AUTS2: variants seen among roughly 807,000 people sequenced by gnomAD.
AUTS2 encodes activator of transcription and developmental regulator AUTS2, also known as autism susceptibility gene 2 protein.
A neutral mutation model predicts 112.4 loss-of-function variants in AUTS2; 17 were observed. The ratio of observed to expected loss-of-function variants is 0.15; its 90% confidence interval spans 0.10 to 0.23. The LOEUF (loss-of-function observed/expected upper bound fraction) is 0.23, where lower values mean the gene tolerates loss of function less well. Among genes scored for constraint, AUTS2 ranks in the 10% least tolerant of loss-of-function variants. The pLI, the probability that AUTS2 is intolerant of heterozygous loss-of-function variation, is 1.00. For missense variants in AUTS2, 1,510 were observed against 1,701.6 expected, an observed-to-expected ratio of 0.89 and a Z score of 1.98; for synonymous variants, 751 against 702.7, an observed-to-expected ratio of 1.07 and a Z score of -1.09.
At chr7:70,120,888 C>T (rs1805646575) in intron 3 of AUTS2, among the ~76,000 whole-genome samples, 1 of 152,118 alleles carries the variant, frequency 6.6e-6, no homozygotes, top group Non-Finnish European at 1.5e-5. Flanking sequence ...GCCTTAATAA[C>T]CAACACAGTC....
At chr7:70,779,828 G>C (rs760486641) in intron 14 of AUTS2, among the ~76,000 whole-genome samples, 4 of 152,074 alleles carry the variant, frequency 2.6e-5, no homozygotes, top group Non-Finnish European at 2.9e-5. Context: ...TTGAGCCCAG[G>C]AGTTCAAGAC....
intron 4 of AUTS2, chr7:70,290,774 AT>A (rs1788672987): frequency 3.1e-6 from 2 of 636,798 alleles, no homozygotes; most frequent in Non-Finnish European, 4.3e-6. Flanking sequence ...AATAAATTAG[AT>A]TTTTTAAAAG....
intron 6 of AUTS2, among the ~76,000 whole-genome samples, chr7:70,754,360 A>G (rs1789055175): frequency 1.3e-5 from 2 of 152,072 alleles, no homozygotes; most frequent in Non-Finnish European, 2.9e-5. Flanking sequence ...ATGGTGGCAC[A>G]TGCCTCAGCC....
chr7:69,930,313 T>A (rs1028849320), intron 2 of AUTS2, among the ~76,000 whole-genome samples: 3 of 152,148 alleles, frequency 2.0e-5, no homozygotes, highest in African/African-American at 7.2e-5. Context: ...TCTCTCTCTG[T>A]GTAATTCTCT....
At chr7:70,027,909 T>C (rs1800594317) in intron 2 of AUTS2, among the ~76,000 whole-genome samples, 1 of 152,108 alleles carries the variant, frequency 6.6e-6, no homozygotes, top group Admixed American at 6.5e-5. Flanking sequence ...TTTTGAACAG[T>C]AAGAAACTAT....
intron 1 of AUTS2, among the ~76,000 whole-genome samples, chr7:69,641,784 C>T (rs983202150): frequency 6.6e-6 from 1 of 152,112 alleles, no homozygotes; most frequent in Non-Finnish European, 1.5e-5. Context: ...TTTACAGAAC[C>T]CTTTTCTTAT....
chr7:70,605,265 G>A (rs1237050319), intron 5 of AUTS2, among the ~76,000 whole-genome samples: 4 of 152,260 alleles, frequency 2.6e-5, no homozygotes, highest in Admixed American at 2.0e-4. Context: ...CTGAGAAGTC[G>A]TTGCCTGTTC....
intron 4 of AUTS2, among the ~76,000 whole-genome samples, chr7:70,171,688 T>C (rs1808696747): frequency 6.6e-6 from 1 of 152,172 alleles, no homozygotes; most frequent in Non-Finnish European, 1.5e-5. Context: ...CAGAAAGGTA[T>C]GAGTTCATGA....
chr7:69,686,660 A>T (rs1041034377), intron 1 of AUTS2, among the ~76,000 whole-genome samples: 1 of 152,216 alleles, frequency 6.6e-6, no homozygotes, highest in African/African-American at 2.4e-5. Flanking sequence ...ATGCTGTATA[A>T]AGGCTTCTAA....
chr7:70,317,299 C>T (rs1403691564), intron 4 of AUTS2, among the ~76,000 whole-genome samples: 1 of 152,040 alleles, frequency 6.6e-6, no homozygotes, highest in African/African-American at 2.4e-5. Flanking sequence ...CCTTTTGATG[C>T]AGATTGTGAA....
At chr7:69,894,274 TTTTTA>T (rs1419103165) in intron 1 of AUTS2, among the ~76,000 whole-genome samples, 16 of 120,074 alleles carry the variant, frequency 1.3e-4, no homozygotes, top group African/African-American at 4.6e-4. Context: ...TTTTTTTTTT[TTTTTA>T]ACAGATTTCT....
At chr7:70,779,732 G>C (rs936987821) in intron 14 of AUTS2, among the ~76,000 whole-genome samples, 1 of 152,098 alleles carries the variant, frequency 6.6e-6, no homozygotes, top group African/African-American at 2.4e-5. Context: ...AGATGAGTCC[G>C]GGAGATCAGA....
At chr7:70,722,569 A>G (rs181549781) in intron 6 of AUTS2, among the ~76,000 whole-genome samples, 56 of 152,324 alleles carry the variant, frequency 3.7e-4, no homozygotes, top group African/African-American at 1.3e-3. Context: ...TGCTTAAGGC[A>G]TAATGTTTTC....
intron 1 of AUTS2, among the ~76,000 whole-genome samples, chr7:69,670,605 G>A (rs905120021): frequency 3.5e-5 from 5 of 142,836 alleles, no homozygotes; most frequent in Admixed American, 1.4e-4. Flanking sequence ...GCTGGGTACC[G>A]TGGCACGTGC....
chr7:69,668,832 T>A (rs1330815682), intron 1 of AUTS2, among the ~76,000 whole-genome samples: 1 of 152,206 alleles, frequency 6.6e-6, no homozygotes, highest in East Asian at 1.9e-4. Context: ...TGAATTACTG[T>A]GTTTTTTTCC....
intron 4 of AUTS2, among the ~76,000 whole-genome samples, chr7:70,217,710 T>C (rs905792861): frequency 4.6e-5 from 7 of 152,148 alleles, no homozygotes; most frequent in Non-Finnish European, 7.3e-5. Flanking sequence ...GATGTTTCAG[T>C]TTTCAACTCA....
At chr7:70,348,493 G>C (rs1028086324) in intron 4 of AUTS2, among the ~76,000 whole-genome samples, 1 of 152,158 alleles carries the variant, frequency 6.6e-6, no homozygotes, top group South Asian at 2.1e-4. Context: ...TCAGTGCTCA[G>C]CAGGCAGTGG....
chr7:70,566,375 T>C (rs544536040), intron 5 of AUTS2, among the ~76,000 whole-genome samples: 1 of 152,332 alleles, frequency 6.6e-6, no homozygotes, highest in Non-Finnish European at 1.5e-5. Flanking sequence ...GGGAACTTAT[T>C]TCCTTGAAAT....
chr7:70,042,328 G>C (rs1430732682), intron 2 of AUTS2, among the ~76,000 whole-genome samples: 14 of 152,140 alleles, frequency 9.2e-5, no homozygotes, highest in African/African-American at 3.1e-4. Flanking sequence ...TAAAAAAATT[G>C]ATAATGAGAT....
Sources: allele counts gnomAD v4.1 joint callset (sites outside exome capture counted in the v4.1 genomes callset), GRCh38; gene constraint gnomAD v4.1.1; transcripts MANE v1.5; gene names NCBI Gene and HGNC (gene_info 2026-07-23, HGNC 2026-07-21).